KLF12: variants seen among roughly 807,000 people sequenced by gnomAD.
The protein encoded by KLF12 is Krueppel-like factor 12.
KLF12 carries 9 observed loss-of-function variants against 37.8 expected under a neutral mutation model. That is an observed-to-expected ratio of 0.24 (90% CI 0.14 to 0.42). The LOEUF (loss-of-function observed/expected upper bound fraction) is 0.42, where lower values mean the gene tolerates loss of function less well. Among genes scored for constraint, KLF12 ranks in the 10% least tolerant of loss-of-function variants. KLF12 has a pLI of 1.00. For synonymous variants in KLF12, 208 were observed against 202.1 expected (o/e 1.03, Z -0.25); for missense variants, 411 against 516.0 (o/e 0.80, Z 1.97).
At chr13:73,799,046 C>A (rs755252325) in intron 5 of KLF12, among the ~76,000 whole-genome samples, 2 of 152,048 alleles carry the variant, frequency 1.3e-5, no homozygotes, top group Non-Finnish European at 2.9e-5. Flanking sequence ...ATAAAGAAAA[C>A]GTGGCACATA....
intron 1 of KLF12, among the ~76,000 whole-genome samples, chr13:74,002,810 G>C (rs1333250721): frequency 6.6e-6 from 1 of 152,192 alleles, no homozygotes; most frequent in Non-Finnish European, 1.5e-5. Flanking sequence ...ACATTACATG[G>C]CAAACACATT....
At chr13:73,778,049 G>A (rs1485771165) in intron 5 of KLF12, among the ~76,000 whole-genome samples, 2 of 151,456 alleles carry the variant, frequency 1.3e-5, no homozygotes, top group African/African-American at 4.8e-5. Flanking sequence ...CAGGAGAATC[G>A]CTTGAACTCG....
At chr13:74,020,185 G>GT (rs1041874398) in intron 1 of KLF12, among the ~76,000 whole-genome samples, 70 of 152,204 alleles carry the variant, frequency 4.6e-4, no homozygotes, top group Non-Finnish European at 5.6e-4. Flanking sequence ...TAATATTTGG[G>GT]TTTTTTTCCA....
chr13:73,758,011 C>G (rs1879286749), intron 6 of KLF12, among the ~76,000 whole-genome samples: 1 of 152,040 alleles, frequency 6.6e-6, no homozygotes, highest in African/African-American at 2.4e-5. Context: ...TATGACTCCC[C>G]ACATTCCCTT....
chr13:73,935,966 AATTTTTT>A (rs1889907686), intron 3 of KLF12, among the ~76,000 whole-genome samples: 1 of 152,138 alleles, frequency 6.6e-6, no homozygotes, highest in Non-Finnish European at 1.5e-5. Context: ...TCATCTGTTT[AATTTTTT>A]ATCTTTTTGT....
intron 7 of KLF12, among the ~76,000 whole-genome samples, chr13:73,705,852 C>A (rs549891403): frequency 1.2e-4 from 18 of 152,148 alleles, no homozygotes; most frequent in Non-Finnish European, 1.9e-4. Context: ...GTCACAAAGA[C>A]ACGATAAAGA....
At chr13:73,825,265 GTTTGTT>G (rs1400832248) in intron 4 of KLF12, among the ~76,000 whole-genome samples, 4 of 152,128 alleles carry the variant, frequency 2.6e-5, no homozygotes, top group Non-Finnish European at 1.5e-5. Context: ...CTGCATTGGA[GTTTGTT>G]TGGTCAGACC....
At chr13:74,074,226 G>C (rs893385686) in intron 1 of KLF12, among the ~76,000 whole-genome samples, 1 of 151,918 alleles carries the variant, frequency 6.6e-6, no homozygotes, top group African/African-American at 2.4e-5. Context: ...ACTCTTTTTC[G>C]GTATGTCAAG....
chr13:73,916,059 G>A (rs1295772485), intron 3 of KLF12, among the ~76,000 whole-genome samples: 1 of 151,980 alleles, frequency 6.6e-6, no homozygotes, highest in Admixed American at 6.5e-5. Flanking sequence ...CAAAAACATG[G>A]AGTTTTATGA....
intron 2 of KLF12, among the ~76,000 whole-genome samples, chr13:73,986,913 C>T (rs1370459903): frequency 6.6e-6 from 1 of 151,946 alleles, no homozygotes; most frequent in East Asian, 1.9e-4. Context: ...GACTTCTGAC[C>T]ACCAGAACTG....
intron 5 of KLF12, among the ~76,000 whole-genome samples, chr13:73,780,269 A>C (rs1201009588): frequency 6.6e-6 from 1 of 152,122 alleles, no homozygotes; most frequent in African/African-American, 2.4e-5. Flanking sequence ...AGTTTTTGGG[A>C]AACAGGTGGT....
rs191555070 is a variant in KLF12, at chr13:73,782,053, A to G, written c.807-17053T>C. Among the ~76,000 whole-genome samples the G allele has an allele frequency of 1.9e-3, 293 of 152,270 alleles. 4 individuals are homozygous for G. Among genetic ancestry groups the G allele is most frequent in the Non-Finnish European group, 6.3e-4 (43 of 68,022 alleles). ...AGGTAACAGACAGTAGTGTGGTATA[A>G]ATGTATAAATCAGCATAGAAACTTC... On this transcript the variant is annotated intron_variant, in intron 5 of 7. Transcript: ENST00000377669.
intron 2 of KLF12, among the ~76,000 whole-genome samples, chr13:73,961,536 T>C (rs551948591): frequency 2.0e-5 from 3 of 152,112 alleles, no homozygotes; most frequent in South Asian, 2.1e-4. Flanking sequence ...CAAATTGTAA[T>C]TGACGGATTG....
the KLF12 span, among the ~76,000 whole-genome samples, chr13:74,183,717 C>T: frequency 6.6e-6 from 1 of 152,164 alleles, no homozygotes; most frequent in East Asian, 1.9e-4. Flanking sequence ...GGGTGAATCG[C>T]TTGAGTCCAG....
intron 1 of KLF12, among the ~76,000 whole-genome samples, chr13:74,018,083 GCTTT>G (rs1425229595): frequency 1.4e-5 from 2 of 147,412 alleles, no homozygotes; most frequent in Non-Finnish European, 3.0e-5. Context: ...TATAATTACT[GCTTT>G]TTTTTTTTTT....
intron 1 of KLF12, among the ~76,000 whole-genome samples, chr13:74,035,146 T>A (rs542682187): frequency 1.3e-5 from 2 of 152,204 alleles, no homozygotes; most frequent in Admixed American, 1.3e-4. Flanking sequence ...CAAATCAAAA[T>A]CCAAAGATGC....
intron 5 of KLF12, among the ~76,000 whole-genome samples, chr13:73,792,830 T>C (rs1482052508): frequency 6.6e-6 from 1 of 152,190 alleles, no homozygotes; most frequent in East Asian, 1.9e-4. Flanking sequence ...TTTTTTATCA[T>C]TATAAACACT....
At chr13:73,919,600 A>G (rs565683525) in intron 3 of KLF12, among the ~76,000 whole-genome samples, 1 of 152,290 alleles carries the variant, frequency 6.6e-6, no homozygotes, top group African/African-American at 2.4e-5. Context: ...GTTTGCCCTA[A>G]CGGGTAAATA....
the KLF12 span, among the ~76,000 whole-genome samples, chr13:74,300,069 C>T: frequency 2.6e-5 from 4 of 151,998 alleles, no homozygotes; most frequent in African/African-American, 9.7e-5. Context: ...AAGGGGAAAT[C>T]ACCTTTTATC....
Sources: gnomAD v4.1 joint callset for allele counts (sites outside exome capture counted in the v4.1 genomes callset) on GRCh38, gnomAD v4.1.1 for gene constraint, MANE v1.5 for transcripts, NCBI Gene and HGNC (gene_info 2026-07-23, HGNC 2026-07-21) for gene names.